Variants in ADAMTSL1 observed in about 807,000 individuals in gnomAD.
ADAMTSL1 encodes the protein ADAMTS-like protein 1.
In ADAMTSL1, 126 loss-of-function variants were observed where a neutral mutation model predicts 201.8. The observed-to-expected ratio is 0.62, with a 90% CI of 0.54 to 0.72. ADAMTSL1 has a LOEUF of 0.72. Ranked by LOEUF, ADAMTSL1 falls within the 30% of genes least tolerant of loss-of-function variation. ADAMTSL1 has a pLI of 0.00. For missense variants in ADAMTSL1, 2,679 were observed against 2,277.8 expected, an observed-to-expected ratio of 1.18 and a Z score of -3.59; for synonymous variants, 1,121 against 903.4, an observed-to-expected ratio of 1.24 and a Z score of -4.32.
intron 1 of ADAMTSL1, among the ~76,000 whole-genome samples, chr9:18,124,449 T>A (rs978126369): frequency 6.6e-6 from 1 of 152,180 alleles, no homozygotes; most frequent in African/African-American, 2.4e-5. Context: ...TTTATTGTTA[T>A]ACTGTGTTAC....
chr9:18,514,595 G>T (rs929135599), intron 2 of ADAMTSL1, among the ~76,000 whole-genome samples: 2 of 152,118 alleles, frequency 1.3e-5, no homozygotes, highest in Admixed American at 6.5e-5. Flanking sequence ...CTCCCAAAGT[G>T]TGGGGATTAC....
chr9:18,524,355 T>C (rs1009274936), intron 2 of ADAMTSL1, among the ~76,000 whole-genome samples: 20 of 152,166 alleles, frequency 1.3e-4, no homozygotes, highest in African/African-American at 4.8e-4. Flanking sequence ...GACAGTGGGG[T>C]TTTCTAAATA....
intron 14 of ADAMTSL1, among the ~76,000 whole-genome samples, chr9:18,713,296 C>A (rs977054751): frequency 3.9e-5 from 6 of 152,104 alleles, no homozygotes; most frequent in Admixed American, 1.3e-4. Flanking sequence ...TTAAAAGACA[C>A]AGACTGGCAA....
At chr9:18,737,056 C>T (rs1588016225) in intron 15 of ADAMTSL1, among the ~76,000 whole-genome samples, 4 of 152,282 alleles carry the variant, frequency 2.6e-5, no homozygotes, top group Middle Eastern at 3.4e-3. Context: ...TGGTGGCTCA[C>T]GCCTGTAATC....
At chr9:18,671,145 G>A (rs139936389) in intron 9 of ADAMTSL1, among the ~76,000 whole-genome samples, 11 of 152,220 alleles carry the variant, frequency 7.2e-5, no homozygotes, top group African/African-American at 1.9e-4. Context: ...GGTTGAATCC[G>A]TGGACGCAGG....
intron 2 of ADAMTSL1, among the ~76,000 whole-genome samples, chr9:18,315,227 G>T (rs894595723): frequency 6.6e-6 from 1 of 152,146 alleles, no homozygotes; most frequent in Non-Finnish European, 1.5e-5. Context: ...AGCTAGACAC[G>T]AAGTGCTGAC....
intron 2 of ADAMTSL1, 112 bp from the exon 3 acceptor site, chr9:18,533,135 A>G: frequency 1.4e-6 from 1 of 725,408 alleles, no homozygotes; most frequent in Non-Finnish European, 2.2e-6. Flanking sequence ...ACATGCTTAG[A>G]AGAAAAGAGA....
intron 3 of ADAMTSL1, among the ~76,000 whole-genome samples, chr9:18,568,593 C>G (rs998457024): frequency 2.6e-5 from 4 of 152,092 alleles, no homozygotes; most frequent in Non-Finnish European, 5.9e-5. Context: ...AAAGTAGATG[C>G]CTTGCTAGGC....
chr9:18,390,270 C>G (rs1036990647), intron 2 of ADAMTSL1, among the ~76,000 whole-genome samples: 3 of 152,008 alleles, frequency 2.0e-5, no homozygotes, highest in African/African-American at 4.8e-5. Flanking sequence ...GTTACAGAAA[C>G]CAAGAGGTAA....
chr9:18,450,439 A>G (rs1820360297), intron 2 of ADAMTSL1, among the ~76,000 whole-genome samples: 1 of 152,190 alleles, frequency 6.6e-6, no homozygotes, highest in South Asian at 2.1e-4. Flanking sequence ...TATATTTGCC[A>G]TGTAAGTAAA....
chr9:18,669,982 C>T (rs1355537966), intron 9 of ADAMTSL1, among the ~76,000 whole-genome samples: 3 of 152,158 alleles, frequency 2.0e-5, no homozygotes, highest in Non-Finnish European at 4.4e-5. Context: ...CTTTGCTACT[C>T]ACGAAATAGC....
chr9:18,888,233 GC>G (rs1829024995), intron 24 of ADAMTSL1, among the ~76,000 whole-genome samples, 190 bp downstream of exon 24: 2 of 152,250 alleles, frequency 1.3e-5, no homozygotes, highest in South Asian at 4.1e-4. Flanking sequence ...GAGCCATCAT[GC>G]CCCATCCCAG....
intron 2 of ADAMTSL1, among the ~76,000 whole-genome samples, chr9:18,366,627 A>ATTTTTTTTTTT (rs772034324): frequency 8.9e-6 from 1 of 112,832 alleles, no homozygotes; most frequent in African/African-American, 3.4e-5. Flanking sequence ...GAAATCACTA[A>ATTTTTTTTTTT]TTTTTTTTTT....
chr9:18,876,547 A>T (rs961375225), intron 23 of ADAMTSL1, among the ~76,000 whole-genome samples: 2 of 152,108 alleles, frequency 1.3e-5, no homozygotes, highest in African/African-American at 4.8e-5. Context: ...CTTGGCTGAT[A>T]ATAGTTTTGT....
chr9:18,121,064 C>T (rs537731942), intron 1 of ADAMTSL1, among the ~76,000 whole-genome samples: 12 of 152,072 alleles, frequency 7.9e-5, no homozygotes, highest in East Asian at 3.9e-4. Context: ...TTTAAAAAAC[C>T]GTAGTTTAAG....
At chr9:18,491,469 C>T (rs1822269668) in intron 1 of ADAMTSL1, among the ~76,000 whole-genome samples, 1 of 152,136 alleles carries the variant, frequency 6.6e-6, no homozygotes, top group Admixed American at 6.5e-5. Flanking sequence ...ACGTTGAAAG[C>T]ACAATTAAGC....
At chr9:18,556,002 A>T (rs1159196247) in intron 3 of ADAMTSL1, among the ~76,000 whole-genome samples, 1 of 151,264 alleles carries the variant, frequency 6.6e-6, no homozygotes, top group East Asian at 1.9e-4. Flanking sequence ...TAATAAAAAA[A>T]ATACATATAA....
At chr9:18,006,191 A>G (rs1819816261) in intron 1 of ADAMTSL1, among the ~76,000 whole-genome samples, 1 of 151,970 alleles carries the variant, frequency 6.6e-6, no homozygotes, top group Non-Finnish European at 1.5e-5. Flanking sequence ...ACTTGGGAAG[A>G]GATGTGCTAG....
intron 2 of ADAMTSL1, among the ~76,000 whole-genome samples, chr9:18,405,592 C>A (rs960911505): frequency 2.7e-5 from 4 of 147,646 alleles, no homozygotes; most frequent in Non-Finnish European, 5.9e-5. Context: ...CAAGTTTTCT[C>A]TTTGGAGAGA....
Sources: allele counts gnomAD v4.1 joint callset (sites outside exome capture counted in the v4.1 genomes callset), GRCh38; gene constraint gnomAD v4.1.1; transcripts MANE v1.5; gene names NCBI Gene and HGNC (gene_info 2026-07-23, HGNC 2026-07-21).